Variants in VTI1A observed in about 807,000 individuals in gnomAD.
VTI1A encodes the protein vesicle transport through interaction with t-SNAREs homolog 1A.
VTI1A carries 22 observed loss-of-function variants against 34.9 expected under a neutral mutation model. The observed-to-expected ratio is 0.63, with a 90% CI of 0.45 to 0.90. The LOEUF (loss-of-function observed/expected upper bound fraction) is 0.90. VTI1A is among the 40% of genes least tolerant of loss of function. VTI1A has a pLI of 0.00. For synonymous variants in VTI1A, 87 were observed against 97.3 expected (o/e 0.89, Z 0.62); for missense variants, 268 against 275.6 (o/e 0.97, Z 0.20).
the VTI1A span, chr10:112,827,730 G>A: frequency 3.3e-5 from 5 of 152,074 alleles, no homozygotes; most frequent in Admixed American, 2.6e-4. Flanking sequence ...TTCTAAAGTC[G>A]GCTATTCCCA....
intron 7 of VTI1A, among the ~76,000 whole-genome samples, chr10:112,756,467 C>CT (rs1187785317): frequency 1.1e-4 from 16 of 152,132 alleles, no homozygotes; most frequent in African/African-American, 3.6e-4. Context: ...ATCCAGGAGG[C>CT]TGTCTTCTCT....
chr10:112,569,345 A>C (rs1852031965), intron 5 of VTI1A, among the ~76,000 whole-genome samples: 1 of 152,180 alleles, frequency 6.6e-6, no homozygotes, highest in Admixed American at 6.5e-5. Flanking sequence ...TTTGCAAATA[A>C]GTATACTGAG....
At position 112,545,318 on chromosome 10, in the gene VTI1A, T is replaced by A. The variant is rs756104172; in HGVS notation, c.427+6988T>A. ...GACAAATGGACAGTGGCCAGTCCCA[T>A]CAGGCTGGCAGTAATGGACATTTGT... On this transcript the variant is annotated intron_variant, in intron 5 of 7. Coordinates refer to ENST00000393077, the MANE Select transcript of VTI1A (RefSeq NM_145206.4). 2.0e-5 allele frequency among the ~76,000 whole-genome samples: 3 copies of A among 152,352 alleles called. No individual in the cohort carries two copies. In the East Asian group the frequency reaches 5.8e-4, roughly 29 times the overall value.
chr10:112,556,811 A>G (rs1203951628), intron 5 of VTI1A, among the ~76,000 whole-genome samples: 1 of 152,058 alleles, frequency 6.6e-6, no homozygotes, highest in Non-Finnish European at 1.5e-5. Flanking sequence ...GCCTGTAGAA[A>G]TAAACCTTCT....
intron 5 of VTI1A, among the ~76,000 whole-genome samples, chr10:112,653,897 G>A (rs866634956): frequency 1.2e-4 from 19 of 152,204 alleles, no homozygotes; most frequent in African/African-American, 4.6e-4. Flanking sequence ...TTTGGTAAAA[G>A]ACTCAGTTTT....
In VTI1A at chr10:112,816,619, C is replaced by G. The variant is rs1054517152; in HGVS notation, c.*1236C>G. 3 of 226,902 alleles carry G rather than the reference C, an allele frequency of 1.3e-5. No homozygotes were observed. Among genetic ancestry groups the G allele is most frequent in the Admixed American group, 1.1e-4 (2 of 17,594 alleles). 14.1% of individuals were successfully genotyped at this position (226,902 alleles called of 1,614,324 possible). On this transcript the variant is annotated 3_prime_UTR_variant, in exon 8 of 8. Coordinates refer to ENST00000393077, the MANE Select transcript of VTI1A (RefSeq NM_145206.4). Reference sequence around the variant, plus strand: ...TTTGTGATCAGGCTTAAAAGTTGCCCAAGCTGAGGTCGTTTCCCCCCAGTC... The same window carrying G: ...TTTGTGATCAGGCTTAAAAGTTGCCGAAGCTGAGGTCGTTTCCCCCCAGTC...
intron 7 of VTI1A, among the ~76,000 whole-genome samples, chr10:112,725,813 A>T (rs1256047663): frequency 6.6e-6 from 1 of 152,180 alleles, no homozygotes; most frequent in African/African-American, 2.4e-5. Flanking sequence ...TTTGAGCATC[A>T]ATATAAACCC....
chr10:112,751,006 A>G (rs1395039360), intron 7 of VTI1A, among the ~76,000 whole-genome samples: 1 of 152,118 alleles, frequency 6.6e-6, no homozygotes, highest in Non-Finnish European at 1.5e-5. Flanking sequence ...GTTTTCCCCT[A>G]TTTTTAAGTG....
At chr10:112,588,600 CTA>C (rs1261919192) in intron 5 of VTI1A, among the ~76,000 whole-genome samples, 1 of 152,170 alleles carries the variant, frequency 6.6e-6, no homozygotes. Context: ...AAGGACGAGG[CTA>C]TGTTTCACTC....
chr10:112,836,687 A>T, the VTI1A span, among the ~76,000 whole-genome samples: 1 of 152,182 alleles, frequency 6.6e-6, no homozygotes, highest in Non-Finnish European at 1.5e-5. Context: ...AGGGGAGTCT[A>T]ATTTCAGTTA....
chr10:112,849,834 C>T, the VTI1A span, among the ~76,000 whole-genome samples: 2 of 152,134 alleles, frequency 1.3e-5, no homozygotes, highest in Non-Finnish European at 2.9e-5. Context: ...CGGATCAGAG[C>T]CTGTGAATGT....
At chr10:112,769,979 G>T (rs1851757298) in intron 7 of VTI1A, among the ~76,000 whole-genome samples, 1 of 152,050 alleles carries the variant, frequency 6.6e-6, no homozygotes, top group African/African-American at 2.4e-5. Context: ...GCCCACTGGG[G>T]TCATATCTTT....
intron 7 of VTI1A, among the ~76,000 whole-genome samples, chr10:112,707,695 A>G (rs1849250296): frequency 6.6e-6 from 1 of 152,262 alleles, no homozygotes; most frequent in Admixed American, 6.5e-5. Flanking sequence ...TTACATACAA[A>G]TAATTGAATG....
At position 112,660,231 on chromosome 10, in the gene VTI1A, G is replaced by T. The variant is rs546267463; in HGVS notation, c.428-7987G>T. 4.6e-4 allele frequency among the ~76,000 whole-genome samples: 70 copies of T among 152,266 alleles called. No homozygotes were observed. In the Middle Eastern group the frequency reaches 0.017, roughly 37 times the overall value. On this transcript the variant is annotated intron_variant, in intron 5 of 7. Transcript: ENST00000393077. ...TTCTCCTGCCTCAGCCTCCTGAGTA[G>T]CTGGAACTACAGGCGCACGCCACCA...
chr10:112,717,719 T>C (rs1440183042), intron 7 of VTI1A, among the ~76,000 whole-genome samples: 1 of 152,152 alleles, frequency 6.6e-6, no homozygotes, highest in East Asian at 1.9e-4. Context: ...TGCCACATTC[T>C]GTGCCTCATT....
chr10:112,830,854 T>A, the VTI1A span, among the ~76,000 whole-genome samples: 106 of 111,902 alleles, frequency 9.5e-4, no homozygotes, highest in African/African-American at 3.0e-3. Flanking sequence ...TATATATTTT[T>A]TTTTTTTTTC....
chr10:112,631,699 G>T (rs978747534), intron 5 of VTI1A, among the ~76,000 whole-genome samples: 2 of 152,286 alleles, frequency 1.3e-5, no homozygotes, highest in South Asian at 2.1e-4. Flanking sequence ...TATTTTGCTC[G>T]TCTGTAAAGG....
At chr10:112,725,477 A>G (rs1442122440) in intron 7 of VTI1A, among the ~76,000 whole-genome samples, 1 of 152,220 alleles carries the variant, frequency 6.6e-6, no homozygotes. Context: ...AAGATTGATC[A>G]GTGGGTTCAG....
At chr10:112,699,726 G>A (rs1026276903) in intron 7 of VTI1A, among the ~76,000 whole-genome samples, 1 of 151,990 alleles carries the variant, frequency 6.6e-6, no homozygotes, top group African/African-American at 2.4e-5. Flanking sequence ...AGCTACTCAG[G>A]AGGCTGAGGC....
Sources: allele counts gnomAD v4.1 joint callset (sites outside exome capture counted in the v4.1 genomes callset), GRCh38; gene constraint gnomAD v4.1.1; transcripts MANE v1.5; gene names NCBI Gene and HGNC (gene_info 2026-07-23, HGNC 2026-07-21).